IQCM: variants seen among roughly 807,000 people sequenced by gnomAD.
The protein encoded by IQCM is IQ domain-containing protein M.
Under a neutral mutation model 57.6 loss-of-function variants are expected in IQCM, and 45 were observed. That is an observed-to-expected ratio of 0.78 (90% CI 0.62 to 1.00). The LOEUF is 1.00. Ranked by LOEUF, IQCM falls within the 50% of genes least tolerant of loss-of-function variation. IQCM has a pLI of 0.00. For missense variants in IQCM, 468 were observed against 511.6 expected (o/e 0.91, Z 0.82); for synonymous variants, 148 against 158.9 (o/e 0.93, Z 0.51).
intron 5 of IQCM, among the ~76,000 whole-genome samples, chr4:149,731,376 A>T (rs1251574783): frequency 6.6e-6 from 1 of 152,074 alleles, no homozygotes; most frequent in Non-Finnish European, 1.5e-5. Flanking sequence ...GGAAGCAGAG[A>T]CTGGACCCTC....
intron 12 of IQCM, among the ~76,000 whole-genome samples, chr4:149,443,718 GGAAAGGAA>G (rs1560845209): frequency 3.6e-4 from 54 of 148,770 alleles, no homozygotes; most frequent in African/African-American, 1.2e-3. Flanking sequence ...GGAAAGGAAA[GGAAAGGAA>G]AGGAAAGGAA....
intron 13 of IQCM, among the ~76,000 whole-genome samples, chr4:149,407,044 G>T (rs1016073332): frequency 3.9e-5 from 6 of 151,926 alleles, no homozygotes; most frequent in Admixed American, 1.3e-4. Flanking sequence ...CATGGTGGCA[G>T]GCAAGATAGA....
chr4:149,379,953 G>T (rs1730962913), intron 13 of IQCM, among the ~76,000 whole-genome samples: 2 of 152,112 alleles, frequency 1.3e-5, no homozygotes, highest in South Asian at 4.1e-4. Context: ...CTGTTCTCAT[G>T]GTGGTGAATA....
rs189357392 is a variant in IQCM, at chr4:149,773,123, G to A, written c.-48-30384C>T. Among the ~76,000 whole-genome samples the A allele has an allele frequency of 2.6e-5, 4 of 152,242 alleles. No individual in the cohort carries two copies. In the East Asian group the frequency reaches 7.7e-4, roughly 29 times the overall value. On this transcript the variant is annotated intron_variant, in intron 2 of 13. Coordinates refer to ENST00000636793, the MANE Select transcript of IQCM (RefSeq NM_001363507.2). ...TCCCAGCACTTTGGGAGGCCGAGGC[G>A]GGTGGATCACGAGGTCAGGAGATCC...
chr4:149,590,033 C>T (rs1208877600), intron 8 of IQCM, among the ~76,000 whole-genome samples: 1 of 151,866 alleles, frequency 6.6e-6, no homozygotes, highest in African/African-American at 2.4e-5. Context: ...TCCTTCTTGG[C>T]CACACTAACT....
chr4:149,392,392 C>A (rs1051093486), intron 13 of IQCM, among the ~76,000 whole-genome samples: 13 of 151,964 alleles, frequency 8.6e-5, no homozygotes, highest in African/African-American at 3.1e-4. Flanking sequence ...CCAAGCTTTG[C>A]AACCGTAAAC....
chr4:149,717,623 T>C (rs1765109805), intron 5 of IQCM, among the ~76,000 whole-genome samples: 1 of 152,222 alleles, frequency 6.6e-6, no homozygotes, highest in Non-Finnish European at 1.5e-5. Flanking sequence ...TTGCTTGATT[T>C]ACTAATTAGC....
At chr4:149,400,671 CA>C (rs1320330066) in intron 13 of IQCM, among the ~76,000 whole-genome samples, 1 of 151,474 alleles carries the variant, frequency 6.6e-6, no homozygotes, top group Non-Finnish European at 1.5e-5. Flanking sequence ...CATTATGAGG[CA>C]AAAATAACTA....
chr4:149,587,745 CA>C (rs1187902449), intron 9 of IQCM, among the ~76,000 whole-genome samples, 184 bp downstream of exon 9: 2 of 151,702 alleles, frequency 1.3e-5, no homozygotes, highest in Non-Finnish European at 2.9e-5. Context: ...CTAAAACACT[CA>C]AAAAACTGTA....
At chr4:149,578,802 TG>T (rs761124269) in intron 9 of IQCM, among the ~76,000 whole-genome samples, 6 of 151,870 alleles carry the variant, frequency 4.0e-5, no homozygotes, top group Non-Finnish European at 8.8e-5. Flanking sequence ...TCCAAAAGAC[TG>T]GGGAGACCCC....
chr4:149,551,439 AT>A (rs1308141455), intron 11 of IQCM, among the ~76,000 whole-genome samples: 1 of 152,192 alleles, frequency 6.6e-6, no homozygotes, highest in African/African-American at 2.4e-5. Context: ...AGAAGGAGAA[AT>A]CATGAAAAGA....
intron 5 of IQCM, among the ~76,000 whole-genome samples, chr4:149,715,529 GCTCTTCTCTCCTTTC>G (rs1275400106): frequency 6.6e-6 from 1 of 152,154 alleles, no homozygotes; most frequent in African/African-American, 2.4e-5. Flanking sequence ...AAGGACCGCT[GCTCTTCTCTCCTTTC>G]CTCTTCTCTC....
At chr4:149,566,717 G>T (rs1420793589) in intron 9 of IQCM, among the ~76,000 whole-genome samples, 1 of 151,910 alleles carries the variant, frequency 6.6e-6, no homozygotes, top group Non-Finnish European at 1.5e-5. Flanking sequence ...CAATTGAAAA[G>T]AAATGAATTT....
At chr4:149,546,450 T>A (rs960769049) in intron 12 of IQCM, among the ~76,000 whole-genome samples, 3 of 152,334 alleles carry the variant, frequency 2.0e-5, no homozygotes, top group Admixed American at 2.0e-4. Flanking sequence ...TGTAAAAGTG[T>A]TACTATTTCT....
chr4:149,738,478 T>A (rs146201695), intron 3 of IQCM, among the ~76,000 whole-genome samples: 142 of 152,254 alleles, frequency 9.3e-4, no homozygotes, highest in Middle Eastern at 3.4e-3. Flanking sequence ...ATTTCCCCTG[T>A]CCACAAGTGC....
At chr4:149,616,708 C>T (rs1342738856) in intron 8 of IQCM, among the ~76,000 whole-genome samples, 1 of 151,812 alleles carries the variant, frequency 6.6e-6, no homozygotes, top group Non-Finnish European at 1.5e-5. Flanking sequence ...GGGAGGGGAA[C>T]AACACACACA....
chr4:149,723,599 G>C (rs1765634243), intron 5 of IQCM, among the ~76,000 whole-genome samples: 1 of 151,940 alleles, frequency 6.6e-6, no homozygotes, highest in African/African-American at 2.4e-5. Context: ...TTATTGACTT[G>C]CACATATTGA....
At chr4:149,447,965 A>C (rs760788322) in intron 12 of IQCM, among the ~76,000 whole-genome samples, 42 of 151,608 alleles carry the variant, frequency 2.8e-4, no homozygotes, top group Non-Finnish European at 5.2e-4. Flanking sequence ...AAAATAATCG[A>C]GAGAACAAGT....
At chr4:149,496,043 A>G (rs778173153) in intron 12 of IQCM, among the ~76,000 whole-genome samples, 5 of 152,142 alleles carry the variant, frequency 3.3e-5, no homozygotes, top group Non-Finnish European at 7.4e-5. Context: ...GCAACTGGGC[A>G]GTTTCCATTT....
Sources: allele counts gnomAD v4.1 joint callset (sites outside exome capture counted in the v4.1 genomes callset), GRCh38; gene constraint gnomAD v4.1.1; transcripts MANE v1.5; gene names NCBI Gene and HGNC (gene_info 2026-07-23, HGNC 2026-07-21).